ANK3: variants seen among roughly 807,000 people sequenced by gnomAD.
ANK3 encodes the protein ankyrin-3.
A neutral mutation model predicts 370.9 loss-of-function variants in ANK3; 57 were observed. The observed-to-expected ratio is 0.15, with a 90% CI of 0.12 to 0.19. ANK3 has a LOEUF of 0.19. Ranked by LOEUF, ANK3 falls within the 10% of genes least tolerant of loss-of-function variation. ANK3 has a pLI of 1.00. For missense variants in ANK3, 4,439 were observed against 5,302.1 expected (o/e 0.84, Z 5.06); for synonymous variants, 1,929 against 1,946.3 (o/e 0.99, Z 0.23).
chr10:60,321,301 T>A (rs1378194104), intron 1 of ANK3, among the ~76,000 whole-genome samples: 8 of 151,136 alleles, frequency 5.3e-5, no homozygotes, highest in African/African-American at 1.9e-4. Context: ...GGTTGGAGGA[T>A]CACTTGAACT....
chr10:60,200,085 C>G (rs771755723), intron 13 of ANK3, 44 bp downstream of exon 13: 1 of 1,495,894 alleles, frequency 6.7e-7, no homozygotes, highest in African/African-American at 1.4e-5. Context: ...GAAAATCCAA[C>G]AGTTTTTCCT....
chr10:60,034,112 T>TG (rs1311790626), intron 43 of ANK3, among the ~76,000 whole-genome samples: 1 of 146,366 alleles, frequency 6.8e-6, no homozygotes, highest in Non-Finnish European at 1.5e-5. Flanking sequence ...TTTGGTTTTT[T>TG]TTTTTTTTTT....
At chr10:60,719,296 T>C (rs369812307) in intron 1 of ANK3, among the ~76,000 whole-genome samples, 1 of 152,174 alleles carries the variant, frequency 6.6e-6, no homozygotes, top group Non-Finnish European at 1.5e-5. Context: ...AACACTGTTG[T>C]AATAAGCATC....
intron 42 of ANK3, among the ~76,000 whole-genome samples, chr10:60,053,490 A>G (rs567767784): frequency 6.6e-6 from 1 of 152,306 alleles, no homozygotes; most frequent in South Asian, 2.1e-4. Flanking sequence ...TTCAGTTTCC[A>G]CTTTTTCCCT....
At chr10:60,530,707 A>G (rs2076586449) in intron 2 of ANK3, among the ~76,000 whole-genome samples, 1 of 152,150 alleles carries the variant, frequency 6.6e-6, no homozygotes, top group African/African-American at 2.4e-5. Flanking sequence ...AAGGGAACGC[A>G]CACACAGGGT....
intron 2 of ANK3, among the ~76,000 whole-genome samples, chr10:60,613,555 C>T (rs917366310): frequency 5.3e-5 from 8 of 152,082 alleles, no homozygotes; most frequent in African/African-American, 1.9e-4. Context: ...AATTGTGTGC[C>T]TGACCCAGAT....
intron 2 of ANK3, among the ~76,000 whole-genome samples, chr10:60,465,776 CTTTT>C (rs1002378251): frequency 1.3e-3 from 179 of 132,688 alleles, no homozygotes; most frequent in African/African-American, 4.7e-3. Flanking sequence ...TTTTCTTTTT[CTTTT>C]TTTTCTTTCT....
intron 7 of ANK3, among the ~76,000 whole-genome samples, chr10:60,240,304 A>T (rs183691944): frequency 0.43 from 37,613 of 87,470 alleles, 6,636 homozygotes; most frequent in African/African-American, 0.53. Context: ...ATATATATAT[A>T]TATTTTTTTT....
At chr10:60,690,617 T>C (rs1286416795) in intron 1 of ANK3, among the ~76,000 whole-genome samples, 1 of 152,206 alleles carries the variant, frequency 6.6e-6, no homozygotes, top group Non-Finnish European at 1.5e-5. Flanking sequence ...TCTAACTAGC[T>C]GGTGCTTCAG....
chr10:60,201,694 A>G (rs1460464288), intron 12 of ANK3, among the ~76,000 whole-genome samples: 1 of 146,506 alleles, frequency 6.8e-6, no homozygotes, highest in East Asian at 2.1e-4. Flanking sequence ...CCTTGAAGTT[A>G]GTTGAAATCA....
chr10:60,150,356 C>T (rs1027135155), intron 23 of ANK3, among the ~76,000 whole-genome samples: 3 of 152,162 alleles, frequency 2.0e-5, no homozygotes, highest in Non-Finnish European at 2.9e-5. Flanking sequence ...TCCTTCTACC[C>T]GTGCAAAATT....
intron 2 of ANK3, among the ~76,000 whole-genome samples, chr10:60,580,681 AT>A (rs34058417): frequency 0.021 from 3,252 of 151,752 alleles, 48 homozygotes; most frequent in Non-Finnish European, 0.028. Context: ...AGTGTATAAA[AT>A]TTTTTTTTCA....
intron 2 of ANK3, among the ~76,000 whole-genome samples, chr10:60,536,425 A>G (rs2133208229): frequency 6.6e-6 from 1 of 152,192 alleles, no homozygotes. Context: ...GCCACCTGAA[A>G]TTCATCCGCT....
intron 2 of ANK3, among the ~76,000 whole-genome samples, chr10:60,565,246 C>T (rs1408821358): frequency 1.3e-5 from 2 of 152,144 alleles, no homozygotes; most frequent in African/African-American, 4.8e-5. Flanking sequence ...AACTGTTTTG[C>T]CTCAGATCAT....
intron 1 of ANK3, among the ~76,000 whole-genome samples, chr10:60,312,472 T>C (rs1291953439): frequency 6.6e-6 from 1 of 152,218 alleles, no homozygotes; most frequent in East Asian, 1.9e-4. Flanking sequence ...TGTTCCTACC[T>C]TAAAGGGGTT....
chr10:60,682,988 G>A (rs1430360727), intron 1 of ANK3, among the ~76,000 whole-genome samples: 2 of 152,170 alleles, frequency 1.3e-5, no homozygotes, highest in African/African-American at 4.8e-5. Context: ...GGGGAAGGAA[G>A]GGGTGGTCTT....
chr10:60,061,730 T>G (rs911959144), intron 40 of ANK3, among the ~76,000 whole-genome samples: 6 of 148,664 alleles, frequency 4.0e-5, no homozygotes, highest in African/African-American at 1.5e-4. Flanking sequence ...AATCTTTTGT[T>G]GACTTAAACT....
Position 60,071,597 on chromosome 10 carries a change from T to C in ANK3, c.9284A>G (p.Tyr3095Cys), listed in dbSNP as rs780407914. 33 of 1,613,970 alleles carry C rather than the reference T, an allele frequency of 2.0e-5. No individual in the cohort carries two copies. The highest frequency in any genetic ancestry group is 2.8e-5 in the Non-Finnish European group (33 of 1,179,984). ...GGKEIKTLPV[Y>C]VSFVQVGKQY... ...CTTCCCCACTTGTACAAAACTGACA[T>C]AAACGGGTAAAGTTTTTATCTCTTT... Residue 3095 changes from tyrosine to cysteine, a missense_variant, in exon 37 of 44, where the codon TAT (tyrosine) becomes TGT (cysteine). Tyr to Cys is a radical substitution (Grantham distance 194). Around this residue, in one of 13 missense-constraint regions of ANK3, gnomAD observed 1,601 missense variants for 1,731.7 expected, o/e 0.92. Transcript: ENST00000280772.
At chr10:60,731,063 T>C (rs1387167103) in intron 1 of ANK3, among the ~76,000 whole-genome samples, 1 of 152,142 alleles carries the variant, frequency 6.6e-6, no homozygotes, top group Non-Finnish European at 1.5e-5. Context: ...TATACAGACA[T>C]TTTGTGCATA....
Sources: allele counts gnomAD v4.1 joint callset (sites outside exome capture counted in the v4.1 genomes callset), GRCh38; gene constraint gnomAD v4.1.1; regional missense constraint gnomAD v4.1.1; transcripts MANE v1.5; gene names NCBI Gene and HGNC (gene_info 2026-07-23, HGNC 2026-07-21).